ARID4B: variants seen among roughly 807,000 people sequenced by gnomAD.
ARID4B encodes AT-rich interactive domain-containing protein 4B.
A neutral mutation model predicts 147.5 loss-of-function variants in ARID4B; 26 were observed. The ratio of observed to expected loss-of-function variants is 0.18; its 90% confidence interval spans 0.13 to 0.24. The LOEUF is 0.24. ARID4B is among the 10% of genes least tolerant of loss of function. ARID4B has a pLI of 1.00. For synonymous variants in ARID4B, 512 were observed against 507.9 expected (o/e 1.01, Z -0.11); for missense variants, 1,179 against 1,511.5 (o/e 0.78, Z 3.65).
chr1:235,175,164 C>A lies in ARID4B; in HGVS notation c.3664+20G>T. ...ACTAGGATGAAGTTTGTATGCTTGT[C>A]AATTTAACATGTCACTTACACATCT... On this transcript the variant is annotated intron_variant, in intron 22 of 23. Coordinates refer to ENST00000264183, the MANE Select transcript of ARID4B (RefSeq NM_016374.6). The A allele has an allele frequency of 1.3e-6, 2 of 1,595,330 alleles. No individual in the cohort carries two copies. The highest frequency in any genetic ancestry group is 2.2e-5 in the South Asian group (2 of 90,446).
intron 23 of ARID4B, 104 bp downstream of exon 23, chr1:235,172,514 G>A: frequency 1.4e-6 from 1 of 713,414 alleles, no homozygotes; most frequent in Non-Finnish European, 2.1e-6. Flanking sequence ...GGAGGTGGAG[G>A]TTGCAGTGAG....
intron 3 of ARID4B, among the ~76,000 whole-genome samples, chr1:235,260,099 G>C (rs535880302): frequency 1.3e-5 from 2 of 152,172 alleles, no homozygotes; most frequent in African/African-American, 4.8e-5. Flanking sequence ...TCTATATTAA[G>C]ACAAAACTCA....
chr1:235,184,108 T>C (rs1664509660), intron 19 of ARID4B, among the ~76,000 whole-genome samples: 1 of 152,174 alleles, frequency 6.6e-6, no homozygotes, highest in African/African-American at 2.4e-5. Flanking sequence ...ATAATGAATA[T>C]CCAATAATTT....
intron 2 of ARID4B, among the ~76,000 whole-genome samples, chr1:235,313,544 CACA>C (rs1674226837): frequency 6.6e-6 from 1 of 152,136 alleles, no homozygotes; most frequent in Non-Finnish European, 1.5e-5. Flanking sequence ...CTGACTACAC[CACA>C]TCAGAACAGT....
chr1:235,197,624 T>G (rs987498261), intron 17 of ARID4B, among the ~76,000 whole-genome samples: 1 of 152,232 alleles, frequency 6.6e-6, no homozygotes, highest in Non-Finnish European at 1.5e-5. Context: ...TTCCTAGTTA[T>G]GTGGTCCTGA....
At chr1:235,324,795 G>C (rs758263380) in intron 2 of ARID4B, among the ~76,000 whole-genome samples, 13 of 152,128 alleles carry the variant, frequency 8.5e-5, no homozygotes, top group Admixed American at 3.9e-4. Context: ...AAATTAGCCA[G>C]GTGTGCCTGT....
chr1:235,304,689 T>G (rs1031558454), intron 2 of ARID4B, among the ~76,000 whole-genome samples: 4 of 152,044 alleles, frequency 2.6e-5, no homozygotes, highest in African/African-American at 7.2e-5. Flanking sequence ...TTTAGAAGAG[T>G]CAGGCACTCA....
chr1:235,323,118 G>A (rs1396631939), intron 2 of ARID4B, among the ~76,000 whole-genome samples: 1 of 149,026 alleles, frequency 6.7e-6, no homozygotes, highest in Non-Finnish European at 1.5e-5. Context: ...TCGACTCACT[G>A]CAACCTCCAC....
At chr1:235,279,445 A>G (rs1671529648) in intron 2 of ARID4B, among the ~76,000 whole-genome samples, 1 of 152,230 alleles carries the variant, frequency 6.6e-6, no homozygotes, top group African/African-American at 2.4e-5. Context: ...ACATACACAC[A>G]AAATAAAATA....
At chr1:235,309,609 C>CCT (rs1239453010) in intron 2 of ARID4B, among the ~76,000 whole-genome samples, 55 of 147,700 alleles carry the variant, frequency 3.7e-4, no homozygotes, top group African/African-American at 4.7e-4. Flanking sequence ...GGCGCCTCTG[C>CCT]CCGGCCACCC....
At chr1:235,259,576 T>G (rs1176653494) in intron 3 of ARID4B, among the ~76,000 whole-genome samples, 2 of 152,188 alleles carry the variant, frequency 1.3e-5, no homozygotes, top group Non-Finnish European at 2.9e-5. Flanking sequence ...AATACCAGTG[T>G]GTGAAGCCAG....
At chr1:235,236,862 A>ATATATATATATT (rs1426582533) in intron 8 of ARID4B, among the ~76,000 whole-genome samples, 2 of 17,490 alleles carry the variant, frequency 1.1e-4, no homozygotes, top group African/African-American at 2.2e-4. Flanking sequence ...ATATATATAT[A>ATATATATATATT]TTTTTTTTTT....
intron 2 of ARID4B, among the ~76,000 whole-genome samples, chr1:235,308,675 C>A (rs1486824331): frequency 6.6e-6 from 1 of 152,218 alleles, no homozygotes; most frequent in Non-Finnish European, 1.5e-5. Context: ...CGGGGCTTCG[C>A]TGTGTTGGCC....
At chr1:235,314,810 A>G (rs1674318418) in intron 2 of ARID4B, among the ~76,000 whole-genome samples, 1 of 152,126 alleles carries the variant, frequency 6.6e-6, no homozygotes, top group Admixed American at 6.6e-5. Flanking sequence ...ATATTTCGGT[A>G]TATACATTAT....
chr1:235,194,868 T>C (rs761062367), intron 18 of ARID4B, among the ~76,000 whole-genome samples: 19 of 152,094 alleles, frequency 1.2e-4, no homozygotes, highest in Non-Finnish European at 2.8e-4. Context: ...CATTTTAAAA[T>C]CTCACTATAT....
At chr1:235,323,381 G>A (rs960158893) in intron 2 of ARID4B, among the ~76,000 whole-genome samples, 1 of 151,784 alleles carries the variant, frequency 6.6e-6, no homozygotes, top group Admixed American at 6.6e-5. Flanking sequence ...AAAGATTCTG[G>A]TATATCCAGC....
intron 2 of ARID4B, among the ~76,000 whole-genome samples, chr1:235,283,065 C>T (rs570371711): frequency 2.0e-5 from 3 of 152,266 alleles, no homozygotes; most frequent in East Asian, 3.9e-4. Context: ...CGTGAGCCAC[C>T]GCACCTGGCC....
At chr1:235,294,150 A>G (rs763104284) in intron 2 of ARID4B, among the ~76,000 whole-genome samples, 2 of 152,128 alleles carry the variant, frequency 1.3e-5, no homozygotes, top group Non-Finnish European at 2.9e-5. Context: ...GACATCTAGT[A>G]CCACCTGGCC....
chr1:235,299,874 C>T (rs1295459443), intron 2 of ARID4B, among the ~76,000 whole-genome samples: 1 of 152,084 alleles, frequency 6.6e-6, no homozygotes, highest in African/African-American at 2.4e-5. Flanking sequence ...ACGTATGATG[C>T]AAAAAATATA....
Sources: gnomAD v4.1 joint callset for allele counts (sites outside exome capture counted in the v4.1 genomes callset) on GRCh38, gnomAD v4.1.1 for gene constraint, MANE v1.5 for transcripts, NCBI Gene and HGNC (gene_info 2026-07-23, HGNC 2026-07-21) for gene names.